Variants in ZSCAN18 observed in about 807,000 individuals in gnomAD.
ZSCAN18 encodes the protein zinc finger and SCAN domain containing 18, also known as zinc finger and SCAN domain-containing protein 18.
ZSCAN18 carries 16 observed loss-of-function variants against 31.1 expected under a neutral mutation model. That is an observed-to-expected ratio of 0.51 (90% confidence interval 0.35 to 0.78). The LOEUF is 0.78. Ranked by LOEUF, ZSCAN18 falls within the 30% of genes least tolerant of loss-of-function variation. The probability of loss-of-function intolerance (pLI) is 0.01; values close to 1 mark genes in which losing one functional copy is unlikely to be tolerated. For missense variants in ZSCAN18, 731 were observed against 697.4 expected, an observed-to-expected ratio of 1.05 and a Z score of -0.54; for synonymous variants, 375 against 320.7, an observed-to-expected ratio of 1.17 and a Z score of -1.81.
chr19:58,108,926 C>A, intron 1 of ZSCAN18: 1 of 1,051,954 alleles, frequency 9.5e-7, no homozygotes, highest in Non-Finnish European at 1.1e-6. Context: ...TCATTTTCCT[C>A]AAGAATTTGA....
intron 1 of ZSCAN18, among the ~76,000 whole-genome samples, chr19:58,117,094 T>A (rs1452921795): frequency 1.3e-5 from 2 of 152,220 alleles, no homozygotes; most frequent in Non-Finnish European, 2.9e-5. Flanking sequence ...TTTATGTCAT[T>A]GTAAAACGCC....
At chr19:58,097,893 G>A (rs1302271249) in intron 1 of ZSCAN18, 1 of 958,334 alleles carries the variant, frequency 1.0e-6, no homozygotes, top group Non-Finnish European at 1.2e-6. Context: ...TCCCCTCCAC[G>A]AGCCTACACG....
chr19:58,104,080 G>A (rs2074615112), intron 1 of ZSCAN18, among the ~76,000 whole-genome samples: 1 of 152,168 alleles, frequency 6.6e-6, no homozygotes, highest in Admixed American at 6.6e-5. Flanking sequence ...GGAAGATGCA[G>A]AAGAAAATTC....
intron 1 of ZSCAN18, chr19:58,109,191 T>C (rs2074659389): frequency 8.1e-7 from 1 of 1,231,560 alleles, no homozygotes; most frequent in Non-Finnish European, 1.0e-6. Flanking sequence ...CCTCTCCTAA[T>C]GCAGATAAAA....
intron 1 of ZSCAN18, among the ~76,000 whole-genome samples, chr19:58,094,824 G>A (rs554124328): frequency 7.2e-6 from 1 of 137,994 alleles, no homozygotes; most frequent in South Asian, 2.3e-4. Flanking sequence ...GCTTCAGTGA[G>A]CTGTGATCAC....
At chr19:58,092,575 CAAAAAAA>C in intron 1 of ZSCAN18, 6 of 183,190 alleles carry the variant, frequency 3.3e-5, no homozygotes, top group Non-Finnish European at 4.1e-5. Context: ...GACTCTGTCT[CAAAAAAA>C]AAAAAAAAAA....
upstream of ZSCAN18, chr19:58,118,410 T>C (rs923948274): frequency 2.0e-6 from 3 of 1,490,756 alleles, no homozygotes; most frequent in African/African-American, 4.4e-5. Flanking sequence ...CGCGCAGAGT[T>C]CCCGGATGCG....
intron 5 of ZSCAN18, 49 bp from the exon 6 acceptor site, chr19:58,086,315 G>T: frequency 6.4e-7 from 1 of 1,555,512 alleles, no homozygotes; most frequent in Non-Finnish European, 8.9e-7. Flanking sequence ...ACACAGAGTG[G>T]CTGATGGGTG....
intron 5 of ZSCAN18, 84 bp downstream of exon 5, chr19:58,086,822 G>A (rs1348752529): frequency 1.9e-6 from 2 of 1,029,278 alleles, no homozygotes; most frequent in Middle Eastern, 3.0e-4. Context: ...CCCAGCCAAA[G>A]TCCCTGGGGT....
chr19:58,087,453 G>A (rs2074306098), intron 3 of ZSCAN18, 49 bp from the exon 4 acceptor site: 1 of 1,542,222 alleles, frequency 6.5e-7, no homozygotes, highest in Middle Eastern at 1.8e-4. Context: ...CCTGTGGCCA[G>A]GTGCCCTCAA....
chr19:58,091,751 C>T (rs557030354), intron 1 of ZSCAN18, among the ~76,000 whole-genome samples: 4 of 152,186 alleles, frequency 2.6e-5, no homozygotes, highest in Non-Finnish European at 4.4e-5. Context: ...CTCCAGTCGG[C>T]CTCGGGCTCT....
upstream of ZSCAN18, among the ~76,000 whole-genome samples, chr19:58,101,873 A>G (rs2074597377): frequency 6.6e-6 from 1 of 151,944 alleles, no homozygotes; most frequent in Admixed American, 6.6e-5. Flanking sequence ...CATGCTGCTA[A>G]TATTTACATG....
At chr19:58,091,539 G>C (rs1460457375) in intron 1 of ZSCAN18, among the ~76,000 whole-genome samples, 3 of 151,288 alleles carry the variant, frequency 2.0e-5, no homozygotes, top group African/African-American at 7.3e-5. Flanking sequence ...AAGGACAATG[G>C]GGGGTGGGGG....
At chr19:58,098,300 T>A, upstream of ZSCAN18, 1 of 985,440 alleles carries the variant, frequency 1.0e-6, no homozygotes, top group Non-Finnish European at 1.2e-6. Flanking sequence ...CGCGAGGCTG[T>A]GCCGCGCACC....
In ZSCAN18 at chr19:58,089,353, T is replaced by C. The variant is rs1367150712; in HGVS notation, c.403+512A>G. 3.2e-4 allele frequency among the ~76,000 whole-genome samples: 33 copies of C among 102,514 alleles called. No individual in the cohort carries two copies. The East Asian group carries it at 0.011, about 34-fold the overall frequency. The allele number at this position is 102,514 out of a possible 152,430, so 67.3% of individuals were successfully genotyped here. ...AAAAAAAAAAAGAGGCTGGGCTGGG[T>C]GTGGTGGCTCACAACTGTAATCCCA... On this transcript the variant is annotated intron_variant, in intron 2 of 6. Coordinates refer to ENST00000601144, the MANE Select transcript of ZSCAN18 (RefSeq NM_001145543.2).
At position 58,085,345 on chromosome 19, in the gene ZSCAN18, G is replaced by A; in HGVS notation, c.873C>T (p.Ala291=). 1.3e-6 allele frequency: 2 copies of A among 1,593,112 alleles called. No homozygotes were observed. The highest frequency in any genetic ancestry group is 1.7e-6 in the Non-Finnish European group (2 of 1,177,720). The change falls in exon 7 of 7, where the codon GCC becomes GCT. Residue 291 remains alanine, a synonymous_variant. Coordinates refer to ENST00000601144, the MANE Select transcript of ZSCAN18 (RefSeq NM_001145543.2). ...GGRRQESAGC[A]CEEAAPAGVL... ...CCCCCGCGGGGGCGGCCTCCTCGCA[G>A]GCGCACCCAGCGCTCTCCTGCCGCC...
intron 1 of ZSCAN18, among the ~76,000 whole-genome samples, chr19:58,113,894 C>A (rs1408095196): frequency 6.6e-6 from 1 of 152,098 alleles, no homozygotes; most frequent in African/African-American, 2.4e-5. Flanking sequence ...AGGACAATCA[C>A]TTGAACCCAG....
chr19:58,097,903 G>C, intron 1 of ZSCAN18: 1 of 979,402 alleles, frequency 1.0e-6, no homozygotes, highest in Non-Finnish European at 1.2e-6. Flanking sequence ...GAGCCTACAC[G>C]GGGTGGGGGT....
upstream of ZSCAN18, among the ~76,000 whole-genome samples, chr19:58,099,962 A>ATGT (rs2074578695): frequency 5.0e-5 from 3 of 59,462 alleles, no homozygotes; most frequent in African/African-American, 1.2e-4. Context: ...TTTGAAAGCT[A>ATGT]TGTTTTTTTT....
Sources: gnomAD v4.1 joint callset for allele counts (sites outside exome capture counted in the v4.1 genomes callset) on GRCh38, gnomAD v4.1.1 for gene constraint, MANE v1.5 for transcripts, NCBI Gene and HGNC (gene_info 2026-07-23, HGNC 2026-07-21) for gene names.